The following RMND1 variants were observed in gnomAD, a reference collection of about 807,000 sequenced individuals.
The protein encoded by RMND1 is required for meiotic nuclear division 1 homolog.
Under a neutral mutation model 54.0 loss-of-function variants are expected in RMND1, and 41 were observed. That is an observed-to-expected ratio of 0.76 (90% CI 0.59 to 0.98). The LOEUF (loss-of-function observed/expected upper bound fraction) is 0.98. Among genes scored for constraint, RMND1 ranks in the 50% least tolerant of loss-of-function variants. The pLI is 0.00. For synonymous variants in RMND1, 183 were observed against 181.7 expected, an observed-to-expected ratio of 1.01 and a Z score of -0.06; for missense variants, 457 against 532.0, an observed-to-expected ratio of 0.86 and a Z score of 1.39.
intron 10 of RMND1, among the ~76,000 whole-genome samples, chr6:151,412,806 C>T (rs1779889709): frequency 6.6e-6 from 1 of 152,088 alleles, no homozygotes; most frequent in Admixed American, 6.5e-5. Context: ...GATGCAGGTG[C>T]TACACACTTT....
intron 10 of RMND1, among the ~76,000 whole-genome samples, chr6:151,410,208 C>T (rs953758039): frequency 3.3e-5 from 5 of 152,170 alleles, no homozygotes; most frequent in East Asian, 1.9e-4. Context: ...ACGCCCGCCA[C>T]CACGCCCAGC....
chr6:151,415,279 T>C (rs1412572142), intron 10 of RMND1, among the ~76,000 whole-genome samples: 2 of 146,426 alleles, frequency 1.4e-5, no homozygotes, highest in African/African-American at 5.5e-5. Context: ...GAAATAAGAA[T>C]TCTTTTTTTT....
At chr6:151,406,257 C>G (rs1369800490) in intron 10 of RMND1, among the ~76,000 whole-genome samples, 1 of 152,204 alleles carries the variant, frequency 6.6e-6, no homozygotes, top group East Asian at 1.9e-4. Flanking sequence ...TTCAACTGAA[C>G]TGCAACAGTT....
chr6:151,438,660 T>C (rs753304422), intron 2 of RMND1, among the ~76,000 whole-genome samples: 14 of 152,120 alleles, frequency 9.2e-5, no homozygotes, highest in Non-Finnish European at 1.6e-4. Flanking sequence ...GATCTGGCTA[T>C]AATAATGGAC....
intron 8 of RMND1, 90 bp from the exon 9 acceptor site, chr6:151,421,411 T>C (rs1780147916): frequency 1.3e-6 from 1 of 768,646 alleles, no homozygotes; most frequent in South Asian, 1.7e-5. Context: ...TGAAGTGGCA[T>C]AATTTGGATC....
At chr6:151,419,530 T>G (rs1005916559) in intron 9 of RMND1, among the ~76,000 whole-genome samples, 1 of 151,780 alleles carries the variant, frequency 6.6e-6, no homozygotes, top group East Asian at 1.9e-4. Flanking sequence ...TAAAATTAGC[T>G]GGGTGTGGTG....
chr6:151,422,373 C>G (rs1046886779), intron 8 of RMND1, among the ~76,000 whole-genome samples, 168 bp downstream of exon 8: 1 of 151,912 alleles, frequency 6.6e-6, no homozygotes, highest in Non-Finnish European at 1.5e-5. Context: ...AAATATATAC[C>G]ATTTTATATC....
At chr6:151,449,669 C>T (rs1367920260) in intron 1 of RMND1, among the ~76,000 whole-genome samples, 1 of 152,106 alleles carries the variant, frequency 6.6e-6, no homozygotes, top group African/African-American at 2.4e-5. Flanking sequence ...CCACGGTCCC[C>T]CTCTCCCCAC....
intron 2 of RMND1, among the ~76,000 whole-genome samples, chr6:151,442,406 C>T (rs1399572897): frequency 6.6e-6 from 1 of 152,228 alleles, no homozygotes; most frequent in African/African-American, 2.4e-5. Context: ...GATTCTGTAA[C>T]ACAGTGCTAT....
intron 1 of RMND1, among the ~76,000 whole-genome samples, chr6:151,450,323 C>T (rs1781109516): frequency 8.2e-6 from 1 of 121,836 alleles, no homozygotes; most frequent in South Asian, 2.8e-4. Flanking sequence ...TGAGGAGACC[C>T]TCCGCCCGGC....
At chr6:151,446,202 C>T (rs544226950) in intron 1 of RMND1, among the ~76,000 whole-genome samples, 3 of 152,038 alleles carry the variant, frequency 2.0e-5, no homozygotes, top group African/African-American at 4.8e-5. Flanking sequence ...GCAGGTGGAT[C>T]GCTTGAGTCC....
intron 6 of RMND1, among the ~76,000 whole-genome samples, chr6:151,427,242 G>A (rs1166402449): frequency 6.6e-6 from 1 of 152,032 alleles, no homozygotes; most frequent in African/African-American, 2.4e-5. Flanking sequence ...TGGGCGTGGT[G>A]GTGCACACCT....
At chr6:151,409,821 T>C (rs897843887) in intron 10 of RMND1, among the ~76,000 whole-genome samples, 1 of 151,898 alleles carries the variant, frequency 6.6e-6, no homozygotes, top group African/African-American at 2.4e-5. Context: ...ACGGAGAAGG[T>C]GGCATGGGGA....
intron 1 of RMND1, among the ~76,000 whole-genome samples, chr6:151,450,442 G>T (rs1408296286): frequency 3.7e-5 from 3 of 80,512 alleles, no homozygotes; most frequent in African/African-American, 2.4e-4. Flanking sequence ...CCCCGTCTGG[G>T]AGGGAGGTGG....
At chr6:151,442,500 T>C (rs1780810761) in intron 2 of RMND1, among the ~76,000 whole-genome samples, 2 of 152,150 alleles carry the variant, frequency 1.3e-5, no homozygotes, top group Admixed American at 1.3e-4. Flanking sequence ...CTTCAAAGAC[T>C]GGACATTAAC....
intron 2 of RMND1, among the ~76,000 whole-genome samples, chr6:151,439,980 G>A (rs1440405721): frequency 6.6e-6 from 1 of 151,894 alleles, no homozygotes; most frequent in Non-Finnish European, 1.5e-5. Context: ...TTTTTGAGAC[G>A]GAGTCTTCCT....
intron 10 of RMND1, among the ~76,000 whole-genome samples, chr6:151,406,338 T>C (rs1038640392): frequency 1.4e-5 from 2 of 146,796 alleles, no homozygotes; most frequent in African/African-American, 5.3e-5. Context: ...AATTCAAAAT[T>C]TGGATGTGAC....
intron 4 of RMND1, among the ~76,000 whole-genome samples, chr6:151,430,903 T>C (rs909115112): frequency 5.3e-5 from 8 of 151,962 alleles, no homozygotes; most frequent in Non-Finnish European, 1.2e-4. Context: ...CACGTTATTC[T>C]TGAAACATTT....
At chr6:151,405,365 G>T in intron 11 of RMND1, 98 bp from the exon 12 acceptor site, 1 of 1,188,150 alleles carries the variant, frequency 8.4e-7, no homozygotes, top group Non-Finnish European at 1.2e-6. Context: ...TGCTCCTGAA[G>T]TAAGGTAAAT....
Sources: allele counts gnomAD v4.1 joint callset (sites outside exome capture counted in the v4.1 genomes callset), GRCh38; gene constraint gnomAD v4.1.1; transcripts MANE v1.5; gene names NCBI Gene and HGNC (gene_info 2026-07-23, HGNC 2026-07-21).